LRP1B: variants seen among roughly 807,000 people sequenced by gnomAD.
The protein encoded by LRP1B is low-density lipoprotein receptor-related protein 1B.
In LRP1B, 217 loss-of-function variants were observed where a neutral mutation model predicts 556.6. The observed-to-expected ratio is 0.39, with a 90% CI of 0.35 to 0.44. The LOEUF is 0.44. Ranked by LOEUF, LRP1B falls within the 20% of genes least tolerant of loss-of-function variation. The pLI, the probability that LRP1B is intolerant of heterozygous loss-of-function variation, is 1.00. For synonymous variants in LRP1B, 2,047 were observed against 1,865.8 expected, an observed-to-expected ratio of 1.10 and a Z score of -2.50; for missense variants, 5,053 against 5,620.8, an observed-to-expected ratio of 0.90 and a Z score of 3.23.
At chr2:141,453,282 T>C (rs551209100) in intron 3 of LRP1B, among the ~76,000 whole-genome samples, 2 of 152,246 alleles carry the variant, frequency 1.3e-5, no homozygotes, top group African/African-American at 4.8e-5. Context: ...AGGATTTCAA[T>C]AAAAATAATA....
intron 83 of LRP1B, 40 bp from the exon 84 acceptor site, chr2:140,298,009 C>G (rs745578614): frequency 2.0e-6 from 3 of 1,525,172 alleles, no homozygotes; most frequent in Non-Finnish European, 2.7e-6. Context: ...AATTATTCAA[C>G]CAAAATAGTT....
chr2:141,667,386 G>T (rs1327943151), intron 2 of LRP1B, among the ~76,000 whole-genome samples: 1 of 152,038 alleles, frequency 6.6e-6, no homozygotes, highest in African/African-American at 2.4e-5. Flanking sequence ...TTAAATATAC[G>T]TATATTTAAA....
At chr2:141,841,505 G>T (rs939735584) in intron 1 of LRP1B, among the ~76,000 whole-genome samples, 2 of 152,160 alleles carry the variant, frequency 1.3e-5, no homozygotes, top group Admixed American at 6.5e-5. Context: ...CTGAATAAAT[G>T]TCCTCCCTCC....
chr2:142,081,105 T>C (rs1705696143), intron 1 of LRP1B, among the ~76,000 whole-genome samples: 1 of 152,056 alleles, frequency 6.6e-6, no homozygotes, highest in Non-Finnish European at 1.5e-5. Flanking sequence ...CCCAGATTCA[T>C]GAAGTATGGA....
chr2:141,368,385 G>A (rs1394180029), intron 3 of LRP1B, among the ~76,000 whole-genome samples: 1 of 152,190 alleles, frequency 6.6e-6, no homozygotes, highest in East Asian at 1.9e-4. Context: ...CTAATTTGCA[G>A]AAGAGGAGGA....
At chr2:140,324,887 C>CATCT (rs1680381993) in intron 80 of LRP1B, among the ~76,000 whole-genome samples, 1 of 125,422 alleles carries the variant, frequency 8.0e-6, no homozygotes, top group Non-Finnish European at 1.7e-5. Flanking sequence ...TTTTTTTTTC[C>CATCT]ATCTGAGGCC....
chr2:140,878,952 G>C (rs188897717), intron 25 of LRP1B, among the ~76,000 whole-genome samples: 3 of 148,420 alleles, frequency 2.0e-5, no homozygotes, highest in East Asian at 4.0e-4. Flanking sequence ...TCATGCCACT[G>C]TACTGCAGCC....
rs375019359 is a variant in LRP1B at position 141,357,413 on chromosome 2, G to A, written c.344-102772C>T. On this transcript the variant is annotated intron_variant, in intron 3 of 90. Transcript: ENST00000389484. ...TTCCTGATTATTTTTGTTTCAAAAT[G>A]TGATTCCTGAAACTGTAACCACTAT... 5.8e-4 allele frequency among the ~76,000 whole-genome samples: 88 copies of A among 152,298 alleles called. 1 individual carries two copies. The South Asian group carries it at 0.016, about 27-fold the overall frequency.
intron 2 of LRP1B, among the ~76,000 whole-genome samples, chr2:141,806,515 A>G (rs148117309): frequency 6.6e-6 from 1 of 152,044 alleles, no homozygotes; most frequent in African/African-American, 2.4e-5. Flanking sequence ...AAAATTTTCC[A>G]ATTGTGTATT....
At chr2:141,221,314 G>C (rs968812240) in intron 6 of LRP1B, among the ~76,000 whole-genome samples, 3 of 147,982 alleles carry the variant, frequency 2.0e-5, no homozygotes, top group Admixed American at 6.7e-5. Context: ...AAAAACCAAA[G>C]GGCATTACAT....
At chr2:141,737,892 C>T (rs1693550254) in intron 2 of LRP1B, among the ~76,000 whole-genome samples, 1 of 152,068 alleles carries the variant, frequency 6.6e-6, no homozygotes, top group African/African-American at 2.4e-5. Flanking sequence ...CCATAGAAGC[C>T]CTACTGTTTT....
At chr2:140,398,917 G>A (rs1218346045) in intron 66 of LRP1B, among the ~76,000 whole-genome samples, 1 of 151,940 alleles carries the variant, frequency 6.6e-6, no homozygotes, top group Non-Finnish European at 1.5e-5. Context: ...AGGCATTAGG[G>A]TCAGAATTAC....
intron 1 of LRP1B, among the ~76,000 whole-genome samples, chr2:142,009,500 G>A (rs1370188593): frequency 6.6e-6 from 1 of 151,998 alleles, no homozygotes; most frequent in Non-Finnish European, 1.5e-5. Context: ...TAAGGTGCTA[G>A]GCCTTCAGAT....
At chr2:141,038,028 C>T (rs1254800053) in intron 11 of LRP1B, among the ~76,000 whole-genome samples, 4 of 151,964 alleles carry the variant, frequency 2.6e-5, no homozygotes, top group Admixed American at 2.6e-4. Flanking sequence ...CCTTACCTCT[C>T]TTTACCACTG....
At chr2:141,910,125 A>G (rs1699868763) in intron 1 of LRP1B, among the ~76,000 whole-genome samples, 1 of 129,618 alleles carries the variant, frequency 7.7e-6, no homozygotes, top group South Asian at 2.8e-4. Flanking sequence ...TGGGTGACAG[A>G]GCGAGACTCC....
chr2:141,893,049 T>C (rs1342220398), intron 1 of LRP1B, among the ~76,000 whole-genome samples: 1 of 152,216 alleles, frequency 6.6e-6, no homozygotes, highest in African/African-American at 2.4e-5. Flanking sequence ...CACAATCTCA[T>C]ATAAACCTTT....
intron 7 of LRP1B, among the ~76,000 whole-genome samples, chr2:141,154,323 C>T (rs1158130292): frequency 6.6e-6 from 1 of 151,912 alleles, no homozygotes; most frequent in Non-Finnish European, 1.5e-5. Context: ...TGAAGTGGAA[C>T]ACACTTTTAA....
At chr2:141,580,242 C>T (rs941112280) in intron 2 of LRP1B, among the ~76,000 whole-genome samples, 4 of 152,044 alleles carry the variant, frequency 2.6e-5, no homozygotes, top group African/African-American at 9.7e-5. Flanking sequence ...TAAATTACAT[C>T]ACATGGATGG....
At chr2:142,001,605 T>C (rs895564155) in intron 1 of LRP1B, among the ~76,000 whole-genome samples, 5 of 152,188 alleles carry the variant, frequency 3.3e-5, no homozygotes, top group African/African-American at 7.2e-5. Flanking sequence ...ATTCAGATTC[T>C]TTCTCTTGAA....
Sources: gnomAD v4.1 joint callset for allele counts (sites outside exome capture counted in the v4.1 genomes callset) on GRCh38, gnomAD v4.1.1 for gene constraint, MANE v1.5 for transcripts, NCBI Gene and HGNC (gene_info 2026-07-23, HGNC 2026-07-21) for gene names.